Variants in NAV1 observed in about 807,000 individuals in gnomAD.
NAV1 encodes the protein pore membrane and/or filament interacting like protein 3.
Under a neutral mutation model 175.2 loss-of-function variants are expected in NAV1, and 18 were observed. The ratio of observed to expected loss-of-function variants is 0.10; its 90% CI spans 0.07 to 0.15. The LOEUF (loss-of-function observed/expected upper bound fraction) is 0.15, where lower values mean the gene tolerates loss of function less well. NAV1 is among the 10% of genes least tolerant of loss of function. NAV1 has a pLI of 1.00. For missense variants in NAV1, 1,731 were observed against 2,436.6 expected (o/e 0.71, Z 6.10); for synonymous variants, 897 against 978.7 (o/e 0.92, Z 1.56).
chr1:201,695,923 C>T (rs946651343), intron 1 of NAV1, among the ~76,000 whole-genome samples: 3 of 152,270 alleles, frequency 2.0e-5, no homozygotes, highest in Non-Finnish European at 4.4e-5. Context: ...TTGCTTTCCT[C>T]TTCGTATCCC....
exon 1 of NAV1, chr1:201,623,291 G>C: frequency 1.0e-6 from 1 of 985,946 alleles, no homozygotes; most frequent in Non-Finnish European, 1.2e-6. Context: ...GCCCAGGAAG[G>C]GACTCCAGTC....
Position 201,788,751 on chromosome 1 carries a change from C to T in NAV1, c.3166+113C>T. The T allele has an allele frequency of 7.8e-7, 1 of 1,277,042 alleles. No individual in the cohort carries two copies. Among genetic ancestry groups the T allele is most frequent in the Non-Finnish European group, 1.1e-6 (1 of 932,614 alleles). The allele number at this position is 1,277,042 out of a possible 1,614,324, so 79.1% of individuals were successfully genotyped here. Reference sequence around the variant, plus strand: ...CCACACACATATATGATTCACAGAACATCAAGTTGGGCCATTTCAGTTTTT... The same window carrying T: ...CCACACACATATATGATTCACAGAATATCAAGTTGGGCCATTTCAGTTTTT... On this transcript the variant is annotated intron_variant, in intron 10 of 29. Coordinates refer to ENST00000367296, the Ensembl canonical transcript of NAV1. The surrounding 1 kb of genome is among the most constrained non-coding windows in gnomAD (Gnocchi z 5.7).
At chr1:201,663,794 G>A (rs983204446) in intron 1 of NAV1, among the ~76,000 whole-genome samples, 41 of 152,274 alleles carry the variant, frequency 2.7e-4, no homozygotes, top group African/African-American at 9.6e-4. Context: ...TTGCCTTACA[G>A]GGTGGGATGT....
At chr1:201,819,839 G>A (rs760019138) in exon 30 of NAV1, 1 of 1,614,052 alleles carries the variant, frequency 6.2e-7, no homozygotes, top group Non-Finnish European at 8.5e-7. Context: ...CCCTTTAGAT[G>A]GCCATGCTGC....
chr1:201,708,587 G>C (rs1295828965), intron 1 of NAV1, among the ~76,000 whole-genome samples: 2 of 152,090 alleles, frequency 1.3e-5, no homozygotes, highest in African/African-American at 4.8e-5. Context: ...GAAGGAGAAC[G>C]CTGTACTCTA....
intron 3 of NAV1, among the ~76,000 whole-genome samples, chr1:201,734,943 C>G (rs917472627): frequency 4.6e-5 from 7 of 152,200 alleles, no homozygotes; most frequent in African/African-American, 1.7e-4. Context: ...TCTCTCCTGC[C>G]CCTCCCAACT....
intron 28 of NAV1, chr1:201,816,727 A>G (rs2820293): frequency 0.99 from 148,637 of 150,816 alleles, 73,270 homozygotes; most frequent in East Asian, 1. Context: ...ATCCAGGCTG[A>G]AGTGCAGTGG....
exon 30 of NAV1, chr1:201,826,194 G>C (rs1342119728): frequency 1.3e-5 from 2 of 152,142 alleles, no homozygotes; most frequent in Admixed American, 6.6e-5. Context: ...AACCCCGGGG[G>C]AGGTGAGTAT....
intron 15 of NAV1, among the ~76,000 whole-genome samples, chr1:201,802,873 C>T (rs1002219103): frequency 7.9e-5 from 12 of 152,172 alleles, no homozygotes; most frequent in Non-Finnish European, 5.9e-5. Flanking sequence ...TCTGTACCCC[C>T]ACATGTGCCC....
chr1:201,816,981 G>A lies in NAV1; in HGVS notation c.5341-107G>A. On this transcript the variant is annotated intron_variant, in intron 28 of 29. Coordinates refer to ENST00000367296, the Ensembl canonical transcript of NAV1. Reference sequence around the variant, plus strand: ...GAGCCACTGCGCCTGGCCAGGAAGTGCATATTTTTAAGGAGCCTATTTTTT... The same window carrying A: ...GAGCCACTGCGCCTGGCCAGGAAGTACATATTTTTAAGGAGCCTATTTTTT... 5 of 975,204 alleles carry A rather than the reference G, an allele frequency of 5.1e-6. No homozygotes were observed. The East Asian group carries it at 1.0e-4, about 20-fold the overall frequency. The allele number at this position is 975,204 out of a possible 1,614,324, so 60.4% of individuals were successfully genotyped here. A position where few individuals can be genotyped will look rare whatever the true frequency, so the allele number is the denominator to read the frequency against.
At chr1:201,774,635 T>C (rs1425149475) in intron 3 of NAV1, among the ~76,000 whole-genome samples, 1 of 152,070 alleles carries the variant, frequency 6.6e-6, no homozygotes, top group Admixed American at 6.6e-5. Context: ...AAAAAAAATA[T>C]TATCTAGATG....
intron 2 of NAV1, among the ~76,000 whole-genome samples, chr1:201,717,575 C>T (rs1672187826): frequency 6.6e-6 from 1 of 152,216 alleles, no homozygotes; most frequent in Non-Finnish European, 1.5e-5. Context: ...GGGCATTGCT[C>T]CCTTGGCCTG....
intron 2 of NAV1, among the ~76,000 whole-genome samples, chr1:201,599,457 T>G (rs1025419982): frequency 5.3e-5 from 8 of 152,224 alleles, no homozygotes; most frequent in Non-Finnish European, 1.0e-4. Context: ...CAGTTCCCTG[T>G]GCGCCTTGTA....
Position 201,660,997 on chromosome 1 carries a change from C to A in NAV1, c.757+11572C>A, listed in dbSNP as rs566306456. On this transcript the variant is annotated intron_variant, in intron 1 of 29. Coordinates refer to ENST00000367296, the Ensembl canonical transcript of NAV1. ...GGCCTTATTGGTGCATGCTTGTTGACTTGTTGACACTGTTATATAAGATTT... is the reference window on the plus strand; with the variant it reads ...GGCCTTATTGGTGCATGCTTGTTGAATTGTTGACACTGTTATATAAGATTT... Among the ~76,000 whole-genome samples, 3 of 152,284 alleles carry A rather than the reference C, an allele frequency of 2.0e-5. No individual in the cohort carries two copies. In the South Asian group the frequency reaches 6.2e-4, roughly 32 times the overall value.
At position 201,539,157 on chromosome 1, in the gene NAV1, G is replaced by T. The variant is rs548319607; in HGVS notation, c.-329G>T. 6.6e-6 allele frequency among the ~76,000 whole-genome samples: 1 copy of T among 152,222 alleles called. No homozygotes were observed. Among genetic ancestry groups the T allele is most frequent in the East Asian group, 1.9e-4 (1 of 5,192 alleles). On this transcript the variant is annotated 5_prime_UTR_variant, in exon 1 of 34. Coordinates refer to the NAV1 transcript ENST00000685211. This position sits in a 1 kb window ranked among gnomAD's most constrained non-coding sequence, Gnocchi z 5.6. ...GGGGCCGGGGCCGGCGGCTGCCCTA[G>T]TGCGGGGCCCGAGGCTGGAGTGCGC...
At position 201,817,061 on chromosome 1, in the gene NAV1, A is replaced by G. The variant is rs374600094; in HGVS notation, c.5341-27A>G. ...AGCCTCTAATCTGTTAATTCCCCAC[A>G]GTAATCATATTTCACCTTCTTTCCA... On this transcript the variant is annotated intron_variant, in intron 28 of 29. Transcript: ENST00000367296. The G allele has an allele frequency of 3.1e-6, 5 of 1,607,386 alleles. No homozygotes were observed. In the African/African-American group the frequency reaches 5.3e-5, roughly 17 times the overall value.
upstream of NAV1, among the ~76,000 whole-genome samples, chr1:201,621,336 T>C (rs538009547): frequency 6.4e-4 from 92 of 143,774 alleles, 1 homozygote; most frequent in Middle Eastern, 3.5e-3. Flanking sequence ...TTCTTTCTTT[T>C]TTTTTTTTTT....
At position 201,700,465 on chromosome 1, in the gene NAV1, A is replaced by G. The variant is rs535182235; in HGVS notation, c.758-12352A>G. 2.7e-3 allele frequency among the ~76,000 whole-genome samples: 409 copies of G among 152,364 alleles called. 1 individual carries two copies. The highest frequency in any genetic ancestry group is 9.4e-3 in the African/African-American group (390 of 41,586). ...GGTGCTGGAGAGGATGTGGAGAAAT[A>G]GGAACGCTTTTACACTGTTGGTGGG... is the stretch of plus-strand genomic sequence containing the variant. On this transcript the variant is annotated intron_variant, in intron 1 of 29. Transcript: ENST00000367296.
intron 22 of NAV1, 143 bp from the exon 27 acceptor site, chr1:201,809,803 T>C: frequency 1.1e-6 from 1 of 881,610 alleles, no homozygotes; most frequent in Admixed American, 2.8e-5. Flanking sequence ...CTTTGAGGCT[T>C]TATGGAGAAA....
Sources: allele counts gnomAD v4.1 joint callset (sites outside exome capture counted in the v4.1 genomes callset), GRCh38; gene constraint gnomAD v4.1.1; non-coding constraint Gnocchi (gnomAD v3.1); transcripts MANE v1.5; gene names NCBI Gene and HGNC (gene_info 2026-07-23, HGNC 2026-07-21).